ZNF367: variants seen among roughly 807,000 people sequenced by gnomAD.
ZNF367 encodes C2H2 zinc finger protein ZFF29.
ZNF367 carries 11 observed loss-of-function variants against 31.8 expected under a neutral mutation model. That is an observed-to-expected ratio of 0.35 (90% CI 0.22 to 0.57). The LOEUF (loss-of-function observed/expected upper bound fraction) is 0.57. ZNF367 is among the 20% of genes least tolerant of loss of function. ZNF367 has a pLI of 0.85. For missense variants in ZNF367, 353 were observed against 484.1 expected (o/e 0.73, Z 2.54); for synonymous variants, 199 against 202.4 (o/e 0.98, Z 0.14).
At chr9:96,394,997 G>A in intron 2 of ZNF367, 55 bp from the exon 3 acceptor site, 1 of 1,599,298 alleles carries the variant, frequency 6.3e-7, no homozygotes, top group South Asian at 1.1e-5. Flanking sequence ...AGAAGAGGAG[G>A]GGGATGGGGA....
chr9:96,396,700 T>A (rs928554565), intron 2 of ZNF367, among the ~76,000 whole-genome samples: 1 of 151,870 alleles, frequency 6.6e-6, no homozygotes, highest in African/African-American at 2.4e-5. Flanking sequence ...TTGAGTTTTG[T>A]TCTTGTTGCC....
At chr9:96,404,888 A>G (rs1564143101) in intron 1 of ZNF367, among the ~76,000 whole-genome samples, 1 of 152,148 alleles carries the variant, frequency 6.6e-6, no homozygotes, top group Non-Finnish European at 1.5e-5. Context: ...AAGGATATAA[A>G]AAGACCTCTT....
chr9:96,402,898 A>C (rs1015423871), intron 1 of ZNF367, among the ~76,000 whole-genome samples: 1 of 152,156 alleles, frequency 6.6e-6, no homozygotes, highest in Non-Finnish European at 1.5e-5. Flanking sequence ...AAGCATTCCA[A>C]GTATCTTCTC....
intron 3 of ZNF367, among the ~76,000 whole-genome samples, chr9:96,393,723 C>T (rs1388817667): frequency 1.3e-5 from 2 of 151,918 alleles, no homozygotes; most frequent in East Asian, 3.9e-4. Context: ...CCCAGCTACT[C>T]GGGAGGCTGA....
At chr9:96,399,353 G>GAAGC (rs1831572174) in intron 1 of ZNF367, among the ~76,000 whole-genome samples, 2 of 152,130 alleles carry the variant, frequency 1.3e-5, no homozygotes, top group Non-Finnish European at 2.9e-5. Flanking sequence ...ATGGTGGAGG[G>GAAGC]AAGCTCTAGG....
Position 96,398,258 on chromosome 9 carries a change from T to C in ZNF367, c.477A>G (p.Glu159=). Residue 159 remains glutamate (E), a synonymous_variant, in exon 2 of 5, where the codon GAA becomes GAG. Transcript: ENST00000375256. ...RADTVRDLIN[E]GEHSSSRIRC... is the part of the protein sequence containing the mutation. ...GGATTCTGCTGGATGAATGCTCTCC[T>C]TCATTTATTAAATCGCGGACAGTAT... 2 of 1,613,846 alleles carry C rather than the reference T, an allele frequency of 1.2e-6. No individual in the cohort carries two copies. The highest frequency in any genetic ancestry group is 1.7e-6 in the Non-Finnish European group (2 of 1,179,834).
intron 1 of ZNF367, among the ~76,000 whole-genome samples, chr9:96,400,045 G>A (rs193255540): frequency 1.3e-5 from 2 of 152,244 alleles, no homozygotes; most frequent in East Asian, 3.9e-4. Flanking sequence ...TACAAAGCAT[G>A]TGAAGAAATA....
rs574224984 is a variant in ZNF367, at chr9:96,397,334, TAAATGATATTTA to T, written c.571+818_571+829del. On this transcript the variant is annotated intron_variant, in intron 2 of 4. Coordinates refer to ENST00000375256, the MANE Select transcript of ZNF367 (RefSeq NM_153695.4). ...TCTATACTTTTTTTTTTTGGCTCTC[TAAATGATATTTA>T]AAATGCAAATATAATTTCCATATGC... Among the ~76,000 whole-genome samples the T allele has an allele frequency of 2.0e-5, 3 of 152,180 alleles. No individual in the cohort carries two copies. In the South Asian group the frequency reaches 6.2e-4, roughly 32 times the overall value.
At chr9:96,396,732 A>G (rs13293398) in intron 2 of ZNF367, among the ~76,000 whole-genome samples, 4,340 of 151,644 alleles carry the variant, frequency 0.029, 79 homozygotes, top group Middle Eastern at 0.062. Flanking sequence ...GCAATGTCAC[A>G]TCTTGGCTCA....
intron 1 of ZNF367, among the ~76,000 whole-genome samples, chr9:96,410,659 A>G (rs542678288): frequency 1.4e-5 from 2 of 144,972 alleles, no homozygotes; most frequent in Admixed American, 1.4e-4. Flanking sequence ...GTGGATCACA[A>G]GGTCAACAGA....
chr9:96,394,789 A>G (rs369071308), intron 3 of ZNF367, 34 bp downstream of exon 3: 3 of 1,603,318 alleles, frequency 1.9e-6, no homozygotes, highest in East Asian at 2.2e-5. Flanking sequence ...AGTCACAACT[A>G]GTTATTCCAT....
chr9:96,406,068 G>A (rs1587746957), intron 1 of ZNF367, among the ~76,000 whole-genome samples: 1 of 152,316 alleles, frequency 6.6e-6, no homozygotes, highest in East Asian at 1.9e-4. Flanking sequence ...GAAGCTGGGT[G>A]TGCAGTTTAT....
At chr9:96,402,975 C>CTTT (rs375468277) in intron 1 of ZNF367, among the ~76,000 whole-genome samples, 1 of 147,120 alleles carries the variant, frequency 6.8e-6, no homozygotes, top group African/African-American at 2.5e-5. Flanking sequence ...AAACAACACA[C>CTTT]TTTTTTTTTT....
At chr9:96,403,464 T>C (rs1036345459) in intron 1 of ZNF367, among the ~76,000 whole-genome samples, 1 of 152,166 alleles carries the variant, frequency 6.6e-6, no homozygotes, top group Non-Finnish European at 1.5e-5. Context: ...TCTATTAAAA[T>C]TCCAGGGGTT....
In ZNF367 at chr9:96,398,197, T is replaced by G; in HGVS notation, c.538A>C (p.Lys180Gln). The change falls in exon 2 of 5, where the codon AAA becomes CAA. Residue 180 changes from lysine (K) to glutamine (Q), a missense_variant. Around this residue, in one of 5 missense-constraint regions of ZNF367, gnomAD observed 57 missense variants for 141.9 expected, o/e 0.40. Coordinates refer to ENST00000375256, the MANE Select transcript of ZNF367 (RefSeq NM_153695.4). ...GTCCTTTTGTGAGCCTGGAGCGATT[T>G]CTCCCGTGGAAACACCCTATTACAG... ...NICNRVFPREKSLQAHKRTHT... is the reference protein window; with the variant it reads ...NICNRVFPREQSLQAHKRTHT... 2.5e-6 allele frequency: 4 copies of G among 1,608,026 alleles called. No individual in the cohort carries two copies. Among genetic ancestry groups the G allele is most frequent in the Non-Finnish European group, 3.4e-6 (4 of 1,176,456 alleles).
chr9:96,389,272 C>G (rs1831440880), intron 4 of ZNF367, among the ~76,000 whole-genome samples: 1 of 150,390 alleles, frequency 6.6e-6, no homozygotes, highest in Non-Finnish European at 1.5e-5. Flanking sequence ...TGCACTCCAT[C>G]CAGGGTGACA....
At chr9:96,410,494 G>A (rs1373129236) in intron 1 of ZNF367, among the ~76,000 whole-genome samples, 21 of 148,006 alleles carry the variant, frequency 1.4e-4, no homozygotes, top group Admixed American at 1.3e-4. Context: ...TCCAGGAGGC[G>A]GAGCTTGCAG....
chr9:96,400,187 G>A (rs923566866), intron 1 of ZNF367, among the ~76,000 whole-genome samples: 1 of 151,912 alleles, frequency 6.6e-6, no homozygotes, highest in Admixed American at 6.6e-5. Context: ...GGAAATGATG[G>A]ACAAAGAACA....
Position 96,388,414 on chromosome 9 carries a change from C to G in ZNF367, c.876G>C (p.Lys292Asn). 1.2e-6 allele frequency: 2 copies of G among 1,614,030 alleles called. No homozygotes were observed. The highest frequency in any genetic ancestry group is 1.7e-6 in the Non-Finnish European group (2 of 1,180,042). The part of the protein sequence containing the change: ...REQRTPTLKG[K>N]LVQKADQEQQ... ...GCTCCTGATCAGCCTTCTGAACCAG[C>G]TTGCCTTTCAAAGTGGGGGTGCGCT... Residue 292 changes from lysine (K) to asparagine (N), a missense_variant, in exon 5 of 5, where the codon AAG becomes AAC. By Grantham distance (94) the Lys-to-Asn change is moderately conservative. Transcript: ENST00000375256.
Sources: gnomAD v4.1 joint callset for allele counts (sites outside exome capture counted in the v4.1 genomes callset) on GRCh38, gnomAD v4.1.1 for gene constraint, gnomAD v4.1.1 regional missense constraint, MANE v1.5 for transcripts, NCBI Gene and HGNC (gene_info 2026-07-23, HGNC 2026-07-21) for gene names.